ENTPD1: variants seen among roughly 807,000 people sequenced by gnomAD.
ENTPD1 encodes the protein ectonucleoside triphosphate diphosphohydrolase 1.
A neutral mutation model predicts 57.0 loss-of-function variants in ENTPD1; 33 were observed. The observed-to-expected ratio is 0.58, with a 90% confidence interval of 0.44 to 0.77. The LOEUF (loss-of-function observed/expected upper bound fraction) is 0.77, where lower values mean the gene tolerates loss of function less well. Ranked by LOEUF, ENTPD1 falls within the 30% of genes least tolerant of loss-of-function variation. The probability of loss-of-function intolerance (pLI) is 0.00; values close to 1 mark genes in which losing one functional copy is unlikely to be tolerated. For missense variants in ENTPD1, 501 were observed against 603.4 expected, an observed-to-expected ratio of 0.83 and a Z score of 1.78; for synonymous variants, 202 against 218.8, an observed-to-expected ratio of 0.92 and a Z score of 0.68.
intron 1 of ENTPD1, among the ~76,000 whole-genome samples, chr10:95,735,038 T>TC (rs1298458464): frequency 6.6e-6 from 1 of 151,260 alleles, no homozygotes; most frequent in East Asian, 1.9e-4. Flanking sequence ...TTTTTTTTTT[T>TC]TTTTTTTTTT....
chr10:95,731,829 C>A (rs1486207547), intron 1 of ENTPD1, among the ~76,000 whole-genome samples: 1 of 121,160 alleles, frequency 8.3e-6, no homozygotes, highest in East Asian at 2.4e-4. Context: ...GTCGCCCAGG[C>A]TGGAATACAG....
upstream of ENTPD1, among the ~76,000 whole-genome samples, chr10:95,709,476 C>T (rs1222392343): frequency 6.6e-6 from 1 of 152,070 alleles, no homozygotes; most frequent in Non-Finnish European, 1.5e-5. Context: ...CTCCACCTCC[C>T]GGGTTCAAGC....
intron 7 of ENTPD1, among the ~76,000 whole-genome samples, chr10:95,855,169 T>C (rs2140933908): frequency 6.6e-6 from 1 of 152,320 alleles, no homozygotes; most frequent in South Asian, 2.1e-4. Flanking sequence ...TCTTGTTGAA[T>C]TGATCCCTTT....
chr10:95,724,665 C>T lies in ENTPD1; in HGVS notation c.37+12672C>T, dbSNP rs545122802. ...AGTGGCAATGGGCACCTCGCTGGATCAGGAGTGCAGCAGACACCCTGCTGG... is the reference window on the plus strand; with the variant it reads ...AGTGGCAATGGGCACCTCGCTGGATTAGGAGTGCAGCAGACACCCTGCTGG... On this transcript the variant is annotated intron_variant, in intron 1 of 9. Coordinates refer to the ENTPD1 transcript ENST00000453258. Among the ~76,000 whole-genome samples, 9 of 152,332 alleles carry T rather than the reference C, an allele frequency of 5.9e-5. No homozygotes were observed. In the South Asian group the frequency reaches 1.0e-3, roughly 18 times the overall value.
At chr10:95,810,469 C>T (rs996285224) in intron 1 of ENTPD1, among the ~76,000 whole-genome samples, 1 of 151,058 alleles carries the variant, frequency 6.6e-6, no homozygotes, top group Non-Finnish European at 1.5e-5. Flanking sequence ...AGGCGCTCCT[C>T]ACTTCCCGGA....
At chr10:95,713,464 C>T (rs2097968130) in intron 1 of ENTPD1, among the ~76,000 whole-genome samples, 1 of 152,118 alleles carries the variant, frequency 6.6e-6, no homozygotes, top group Admixed American at 6.5e-5. Context: ...AAAATCTAAC[C>T]CAAAACAAAA....
At chr10:95,766,935 A>C (rs181909237) in intron 1 of ENTPD1, among the ~76,000 whole-genome samples, 2 of 150,606 alleles carry the variant, frequency 1.3e-5, no homozygotes, top group Non-Finnish European at 3.0e-5. Flanking sequence ...GCTGGAGTGC[A>C]GTAGCATAAT....
At chr10:95,723,229 G>C (rs138520208) in intron 1 of ENTPD1, among the ~76,000 whole-genome samples, 7,508 of 152,136 alleles carry the variant, frequency 0.049, 221 homozygotes, top group Middle Eastern at 0.058. Flanking sequence ...TAAAGGAATA[G>C]GGCACATTGT....
At chr10:95,702,961 A>T in the ENTPD1 span, among the ~76,000 whole-genome samples, 686 of 151,112 alleles carry the variant, frequency 4.5e-3, 2 homozygotes, top group Middle Eastern at 0.02. Flanking sequence ...TTTTTTTTTT[A>T]TTTTTAGTAG....
chr10:95,818,098 A>C (rs1028480033), intron 1 of ENTPD1, among the ~76,000 whole-genome samples: 7 of 152,216 alleles, frequency 4.6e-5, no homozygotes, highest in Admixed American at 3.9e-4. Flanking sequence ...ATAGCTTCCA[A>C]CTGAGCTTGA....
chr10:95,828,979 G>C (rs1476783115), intron 2 of ENTPD1, among the ~76,000 whole-genome samples: 1 of 152,162 alleles, frequency 6.6e-6, no homozygotes, highest in Non-Finnish European at 1.5e-5. Context: ...CCAAAGTGCT[G>C]GGATTACAGG....
At chr10:95,746,110 G>C (rs1285346182) in intron 1 of ENTPD1, among the ~76,000 whole-genome samples, 1 of 152,130 alleles carries the variant, frequency 6.6e-6, no homozygotes, top group Non-Finnish European at 1.5e-5. Flanking sequence ...AGTACCGTTA[G>C]GTTACTTCTG....
intron 7 of ENTPD1, 100 bp downstream of exon 7, chr10:95,847,806 A>G: frequency 6.4e-7 from 1 of 1,556,402 alleles, no homozygotes; most frequent in Non-Finnish European, 8.8e-7. Flanking sequence ...TTTCTCTTAC[A>G]TAATGTCTTG....
At chr10:95,754,419 T>C (rs182996139), upstream of ENTPD1, 1 of 152,328 alleles carries the variant, frequency 6.6e-6, no homozygotes, top group African/African-American at 2.4e-5. Flanking sequence ...GGTACTTGTT[T>C]GTCTGTTTCT....
chr10:95,816,945 G>A (rs781679287), intron 1 of ENTPD1, among the ~76,000 whole-genome samples: 8 of 152,184 alleles, frequency 5.3e-5, no homozygotes, highest in Non-Finnish European at 5.9e-5. Flanking sequence ...TTTAGTATAG[G>A]CTATTACGTG....
Position 95,870,317 on chromosome 10 carries a change from C to T in ENTPD1, c.*3934C>T. The T allele has an allele frequency of 1.0e-6, 1 of 978,946 alleles. No individual in the cohort carries two copies. Among genetic ancestry groups the T allele is most frequent in the Non-Finnish European group, 1.2e-6 (1 of 824,146 alleles). The allele number at this position is 978,946 out of a possible 1,614,324, so 60.6% of individuals were successfully genotyped here. ...GATTTTTTTTTTGGAGCTAGTCTTG[C>T]TCTGTTGCCCAGGCTGGAATGCAGT... On this transcript the variant is annotated 3_prime_UTR_variant, in exon 10 of 10. Transcript: ENST00000371205.
At chr10:95,813,528 TG>T (rs1334671302) in intron 1 of ENTPD1, among the ~76,000 whole-genome samples, 1 of 152,100 alleles carries the variant, frequency 6.6e-6, no homozygotes, top group Non-Finnish European at 1.5e-5. Flanking sequence ...TTGATATCAG[TG>T]GTGGAGCCTT....
intron 1 of ENTPD1, among the ~76,000 whole-genome samples, chr10:95,798,851 C>G (rs2098237073): frequency 6.6e-6 from 1 of 152,182 alleles, no homozygotes; most frequent in South Asian, 2.1e-4. Flanking sequence ...TGTGGAATTA[C>G]TATTGTCTGC....
intron 1 of ENTPD1, among the ~76,000 whole-genome samples, chr10:95,741,665 C>T (rs2098000516): frequency 6.6e-6 from 1 of 152,058 alleles, no homozygotes; most frequent in Non-Finnish European, 1.5e-5. Context: ...GAAAAATCAG[C>T]AGTGTGAGGC....
Sources: allele counts gnomAD v4.1 joint callset (sites outside exome capture counted in the v4.1 genomes callset), GRCh38; gene constraint gnomAD v4.1.1; transcripts MANE v1.5; gene names NCBI Gene and HGNC (gene_info 2026-07-23, HGNC 2026-07-21).